Variants in MROH2B observed in about 807,000 individuals in gnomAD.
MROH2B encodes the protein maestro heat-like repeat-containing protein family member 2B.
In MROH2B, 177 loss-of-function variants were observed where a neutral mutation model predicts 208.6. The observed-to-expected ratio is 0.85, with a 90% CI of 0.75 to 0.96. MROH2B has a LOEUF of 0.96. Ranked by LOEUF, MROH2B falls within the 40% of genes least tolerant of loss-of-function variation. The probability of loss-of-function intolerance (pLI) is 0.00; values close to 1 mark genes in which losing one functional copy is unlikely to be tolerated. For synonymous variants in MROH2B, 728 were observed against 659.0 expected (o/e 1.10, Z -1.60); for missense variants, 2,002 against 1,878.7 (o/e 1.07, Z -1.21).
intron 40 of MROH2B, among the ~76,000 whole-genome samples, chr5:40,998,971 T>C (rs966953781): frequency 2.0e-5 from 3 of 152,210 alleles, no homozygotes; most frequent in Non-Finnish European, 1.5e-5. Flanking sequence ...ATAGGGTCTC[T>C]GTCTTCAAAA....
intron 7 of MROH2B, 52 bp from the exon 8 acceptor site, chr5:41,057,412 C>A: frequency 7.3e-7 from 1 of 1,368,428 alleles, no homozygotes; most frequent in Non-Finnish European, 1.0e-6. Context: ...GAAGCAGCTG[C>A]ACAGGATGTG....
At chr5:41,051,550 T>C (rs1044200694) in intron 12 of MROH2B, 1 of 152,368 alleles carries the variant, frequency 6.6e-6, no homozygotes, top group Admixed American at 6.5e-5. Context: ...AATTCATATG[T>C]TGAAATCTGA....
chr5:41,039,647 T>C, intron 19 of MROH2B, 92 bp from the exon 20 acceptor site: 1 of 842,408 alleles, frequency 1.2e-6, no homozygotes, highest in Non-Finnish European at 1.8e-6. Context: ...AGGTATCCTT[T>C]AGGTGCTGGG....
At chr5:41,036,173 A>G (rs761102360) in intron 21 of MROH2B, among the ~76,000 whole-genome samples, 3 of 151,950 alleles carry the variant, frequency 2.0e-5, no homozygotes, top group Non-Finnish European at 2.9e-5. Flanking sequence ...ATACATAGAT[A>G]TGGTTTGGCT....
At chr5:41,000,625 C>G in intron 38 of MROH2B, 53 bp downstream of exon 38, 1 of 1,555,036 alleles carries the variant, frequency 6.4e-7, no homozygotes, top group Non-Finnish European at 8.7e-7. Flanking sequence ...CTTATTGGTA[C>G]TTCTCAGCCA....
At chr5:41,058,323 TAATTCTTTA>T in intron 6 of MROH2B, 120 bp from the exon 7 acceptor site, 1 of 985,940 alleles carries the variant, frequency 1.0e-6, no homozygotes, top group Non-Finnish European at 1.4e-6. Flanking sequence ...AGCCAAGAAA[TAATTCTTTA>T]AATTCTTTAA....
intron 21 of MROH2B, 90 bp downstream of exon 21, chr5:41,038,646 G>T: frequency 7.6e-7 from 1 of 1,314,434 alleles, no homozygotes; most frequent in South Asian, 1.7e-5. Flanking sequence ...ACCCAAGTCT[G>T]GGAAGGAAAA....
chr5:41,018,764 T>G lies in MROH2B; in HGVS notation c.2600A>C (p.Asp867Ala), dbSNP rs773189942. ...HIQFLYERSM[D>A]ALGKLLKTMM... The stretch of plus-strand genomic sequence containing the variant: ...GGTCTTCAGAAGTTTTCCTAGGGCG[T>G]CCATGGATCGTTCATAGAGAAACTG... Residue 867 changes from aspartate to alanine, a missense_variant, in exon 26 of 42, where the codon GAC becomes GCC. Coordinates refer to ENST00000399564, the MANE Select transcript of MROH2B (RefSeq NM_173489.5). 1.9e-6 allele frequency: 3 copies of G among 1,613,832 alleles called. No homozygotes were observed. The highest frequency in any genetic ancestry group is 2.5e-6 in the Non-Finnish European group (3 of 1,179,834).
chr5:41,011,571 G>A lies in MROH2B; in HGVS notation c.3135+1012C>T, dbSNP rs118069784. On this transcript the variant is annotated intron_variant, in intron 30 of 41. Coordinates refer to ENST00000399564, the MANE Select transcript of MROH2B (RefSeq NM_173489.5). ...TAACACAAAAGCTGTGCTTTGGAGAGTTTTTAAATTGAGGGTAGTTGACTG... is the reference window on the plus strand; with the variant it reads ...TAACACAAAAGCTGTGCTTTGGAGAATTTTTAAATTGAGGGTAGTTGACTG... Among the ~76,000 whole-genome samples, 73 of 152,276 alleles carry A rather than the reference G, an allele frequency of 4.8e-4. 1 individual carries two copies. The East Asian group carries it at 0.014, about 29-fold the overall frequency.
chr5:41,022,616 T>A lies in MROH2B; in HGVS notation c.2442-3598A>T, dbSNP rs570595003. On this transcript the variant is annotated intron_variant, in intron 24 of 41. Transcript: ENST00000399564. ...CCTGCCTGCCTCTGCAGACTCCACC[T>A]CTGGTGGCAGGGCATAGCCGAACAA... is the stretch of plus-strand genomic sequence containing the variant. 1.6e-3 allele frequency among the ~76,000 whole-genome samples: 242 copies of A among 152,272 alleles called. 1 individual carries two copies. The highest frequency in any genetic ancestry group is 2.3e-3 in the Non-Finnish European group (159 of 68,024).
At chr5:41,034,387 CTG>C (rs1254821313) in intron 21 of MROH2B, among the ~76,000 whole-genome samples, 1 of 152,090 alleles carries the variant, frequency 6.6e-6, no homozygotes, top group African/African-American at 2.4e-5. Flanking sequence ...GCAGTTTCCT[CTG>C]TGAGAGGAAA....
chr5:41,041,972 T>A (rs1728637955), intron 19 of MROH2B, 120 bp downstream of exon 19: 2 of 522,220 alleles, frequency 3.8e-6, no homozygotes, highest in Non-Finnish European at 6.7e-6. Context: ...CTATTCTGAG[T>A]GTATTAATTG....
chr5:40,999,387 A>C (rs1275480533), intron 40 of MROH2B, among the ~76,000 whole-genome samples: 1 of 152,128 alleles, frequency 6.6e-6, no homozygotes, highest in Non-Finnish European at 1.5e-5. Context: ...GGGAGCAAAG[A>C]TCTGGGGAAA....
chr5:41,015,358 C>T (rs1427757079), intron 29 of MROH2B, 23 bp downstream of exon 29: 2 of 1,591,782 alleles, frequency 1.3e-6, no homozygotes, highest in South Asian at 2.2e-5. Context: ...CTTTACATCC[C>T]CTGGCCACTC....
At chr5:41,068,693 A>C (rs1743885468) in intron 2 of MROH2B, among the ~76,000 whole-genome samples, 1 of 149,060 alleles carries the variant, frequency 6.7e-6, no homozygotes, top group South Asian at 2.1e-4. Flanking sequence ...TTCTCCTTCA[A>C]TGTTTCTGGG....
At chr5:41,019,761 C>T (rs577898651) in intron 24 of MROH2B, among the ~76,000 whole-genome samples, 3 of 152,298 alleles carry the variant, frequency 2.0e-5, no homozygotes, top group Admixed American at 6.5e-5. Flanking sequence ...GAATAAAATT[C>T]AGTACCAGCT....
At chr5:41,069,006 C>G (rs930214871) in intron 2 of MROH2B, among the ~76,000 whole-genome samples, 1 of 152,086 alleles carries the variant, frequency 6.6e-6, no homozygotes, top group South Asian at 2.1e-4. Context: ...GGAGACAACA[C>G]TGAATAATGA....
intron 2 of MROH2B, among the ~76,000 whole-genome samples, chr5:41,067,445 C>T (rs1398009260): frequency 1.3e-5 from 2 of 152,088 alleles, no homozygotes; most frequent in East Asian, 3.9e-4. Flanking sequence ...CAGCTCACTG[C>T]AACCTCTGCC....
intron 2 of MROH2B, among the ~76,000 whole-genome samples, chr5:41,068,250 A>AT (rs1426935951): frequency 2.6e-5 from 4 of 151,978 alleles, no homozygotes; most frequent in Non-Finnish European, 5.9e-5. Flanking sequence ...ATAATGCATA[A>AT]TTTTTCTTTG....
Sources: gnomAD v4.1 joint callset for allele counts (sites outside exome capture counted in the v4.1 genomes callset) on GRCh38, gnomAD v4.1.1 for gene constraint, MANE v1.5 for transcripts, NCBI Gene and HGNC (gene_info 2026-07-23, HGNC 2026-07-21) for gene names.